TUSC3: variants seen among roughly 807,000 people sequenced by gnomAD.
TUSC3 encodes the protein tumor suppressor candidate 3.
A neutral mutation model predicts 44.8 loss-of-function variants in TUSC3; 45 were observed. The observed-to-expected ratio is 1.00, with a 90% CI of 0.79 to 1.29. The LOEUF is 1.29. Among genes scored for constraint, TUSC3 ranks in the 50% most tolerant of loss-of-function variants. TUSC3 has a pLI of 0.00. For missense variants in TUSC3, 519 were observed against 437.9 expected, an observed-to-expected ratio of 1.19 and a Z score of -1.65; for synonymous variants, 212 against 152.9, an observed-to-expected ratio of 1.39 and a Z score of -2.85.
At chr8:15,663,824 A>T (rs536664232) in intron 5 of TUSC3, among the ~76,000 whole-genome samples, 1 of 151,886 alleles carries the variant, frequency 6.6e-6, no homozygotes, top group African/African-American at 2.4e-5. Flanking sequence ...CAAGTTGCTT[A>T]ATTCAGTAAA....
chr8:15,687,881 G>A (rs1333051475), intron 6 of TUSC3, among the ~76,000 whole-genome samples: 3 of 152,096 alleles, frequency 2.0e-5, no homozygotes, highest in Non-Finnish European at 2.9e-5. Context: ...ACATTTGTTT[G>A]TAATTAAAAC....
At chr8:15,536,605 C>T (rs1801524738), upstream of TUSC3, among the ~76,000 whole-genome samples, 1 of 140,188 alleles carries the variant, frequency 7.1e-6, no homozygotes, top group Non-Finnish European at 1.5e-5. Flanking sequence ...GAGCTTGAAC[C>T]TGGGAGGCGG....
chr8:15,693,202 G>A (rs1048137029), intron 6 of TUSC3, among the ~76,000 whole-genome samples: 4 of 152,204 alleles, frequency 2.6e-5, no homozygotes, highest in Admixed American at 1.3e-4. Flanking sequence ...TCATCCTACT[G>A]TTAGCTGGTT....
chr8:15,646,946 A>G (rs1280233607), intron 2 of TUSC3, among the ~76,000 whole-genome samples: 1 of 152,066 alleles, frequency 6.6e-6, no homozygotes, highest in Admixed American at 6.5e-5. Context: ...ACTAAATAAC[A>G]TCTTTGTGTT....
intron 9 of TUSC3, among the ~76,000 whole-genome samples, chr8:15,754,178 C>G (rs182375309): frequency 1.3e-5 from 2 of 152,010 alleles, no homozygotes; most frequent in Non-Finnish European, 2.9e-5. Context: ...AAGAGGAAAA[C>G]GCACAACACA....
At chr8:15,750,003 G>C (rs775820057) in intron 9 of TUSC3, among the ~76,000 whole-genome samples, 1 of 144,694 alleles carries the variant, frequency 6.9e-6, no homozygotes, top group South Asian at 2.2e-4. Flanking sequence ...TTTTTGAAAC[G>C]GAGTCTTGCT....
intron 4 of TUSC3, among the ~76,000 whole-genome samples, chr8:15,660,811 T>C (rs1005955281): frequency 2.0e-5 from 3 of 151,738 alleles, no homozygotes; most frequent in Non-Finnish European, 4.4e-5. Context: ...AAGGGTACTA[T>C]TGTTTCCTTA....
chr8:15,439,396 T>C (rs1378792118), intron 1 of TUSC3, among the ~76,000 whole-genome samples: 2 of 152,134 alleles, frequency 1.3e-5, no homozygotes, highest in African/African-American at 2.4e-5. Flanking sequence ...TGAGTCCTTA[T>C]TTCTACAAAC....
chr8:15,435,686 A>C (rs186769666), intron 1 of TUSC3, among the ~76,000 whole-genome samples: 2 of 152,330 alleles, frequency 1.3e-5, no homozygotes, highest in Admixed American at 6.5e-5. Context: ...ACTTAGAGGA[A>C]TAAAAATCTC....
intron 1 of TUSC3, among the ~76,000 whole-genome samples, chr8:15,597,081 C>CCT (rs1804104694): frequency 6.6e-6 from 1 of 151,956 alleles, no homozygotes; most frequent in Admixed American, 6.6e-5. Flanking sequence ...AGGGGTGGTA[C>CCT]AGTAGGAAGA....
chr8:15,426,481 G>A (rs1002256644), intron 1 of TUSC3, among the ~76,000 whole-genome samples: 1 of 152,176 alleles, frequency 6.6e-6, no homozygotes. Context: ...CCTCATGTAA[G>A]TGGAAGTCTA....
intron 6 of TUSC3, among the ~76,000 whole-genome samples, chr8:15,701,156 A>G (rs1439245054): frequency 1.3e-5 from 2 of 152,164 alleles, no homozygotes; most frequent in Non-Finnish European, 2.9e-5. Flanking sequence ...CGTAATACAC[A>G]GATCTTAAAT....
the TUSC3 span, among the ~76,000 whole-genome samples, chr8:15,797,590 T>G: frequency 2.0e-5 from 3 of 152,244 alleles, no homozygotes; most frequent in South Asian, 6.2e-4. Flanking sequence ...GGAAAAACAT[T>G]GGAAATTAAA....
intron 1 of TUSC3, among the ~76,000 whole-genome samples, chr8:15,471,456 AG>A (rs1383923520): frequency 6.6e-6 from 1 of 152,190 alleles, no homozygotes; most frequent in Non-Finnish European, 1.5e-5. Context: ...TGTTCTTGGA[AG>A]AAGTAAATAT....
intron 2 of TUSC3, among the ~76,000 whole-genome samples, chr8:15,644,235 T>C (rs887739370): frequency 6.6e-6 from 1 of 152,232 alleles, no homozygotes; most frequent in South Asian, 2.1e-4. Context: ...AACAGAACAG[T>C]GCCCTGCAGT....
At chr8:15,680,345 G>A (rs1364084687) in intron 6 of TUSC3, among the ~76,000 whole-genome samples, 1 of 151,982 alleles carries the variant, frequency 6.6e-6, no homozygotes, top group African/African-American at 2.4e-5. Flanking sequence ...GTGTATGTGT[G>A]TGTGTATGTT....
intron 1 of TUSC3, among the ~76,000 whole-genome samples, chr8:15,571,643 T>G (rs528115063): frequency 6.6e-6 from 1 of 152,280 alleles, no homozygotes; most frequent in Admixed American, 6.5e-5. Context: ...GAAATTAAGT[T>G]GGCCACATTG....
chr8:15,773,674 T>G, the TUSC3 span, among the ~76,000 whole-genome samples: 1 of 152,142 alleles, frequency 6.6e-6, no homozygotes, highest in Non-Finnish European at 1.5e-5. Flanking sequence ...CTTTGAAAAC[T>G]TAATACAATT....
chr8:15,723,065 A>G (rs773954046), intron 6 of TUSC3, among the ~76,000 whole-genome samples: 10 of 152,130 alleles, frequency 6.6e-5, no homozygotes, highest in Non-Finnish European at 1.2e-4. Context: ...TTTTAAACAA[A>G]TATCTCTGGT....
Sources: allele counts gnomAD v4.1 joint callset (sites outside exome capture counted in the v4.1 genomes callset), GRCh38; gene constraint gnomAD v4.1.1; transcripts MANE v1.5; gene names NCBI Gene and HGNC (gene_info 2026-07-23, HGNC 2026-07-21).